The following LMBR1 variants were observed in gnomAD, a reference collection of about 807,000 sequenced individuals.
LMBR1 encodes the protein limb development membrane protein 1.
LMBR1 carries 52 observed loss-of-function variants against 73.9 expected under a neutral mutation model. That is an observed-to-expected ratio of 0.70 (90% CI 0.56 to 0.89). The LOEUF (loss-of-function observed/expected upper bound fraction) is 0.89. Ranked by LOEUF, LMBR1 falls within the 40% of genes least tolerant of loss-of-function variation. The pLI is 0.00. For missense variants in LMBR1, 539 were observed against 579.8 expected, an observed-to-expected ratio of 0.93 and a Z score of 0.72; for synonymous variants, 215 against 209.4, an observed-to-expected ratio of 1.03 and a Z score of -0.23.
At chr7:156,724,555 T>C (rs184703178) in intron 14 of LMBR1, among the ~76,000 whole-genome samples, 1 of 152,280 alleles carries the variant, frequency 6.6e-6, no homozygotes, top group East Asian at 1.9e-4. Flanking sequence ...AGATTATTGC[T>C]TAAGATCTCT....
rs1163938738 is a variant in LMBR1, at chr7:156,683,732, C to T, written c.*346G>A. ...GGATTTAAGTAAATCTTTAGAAGTC[C>T]CGGAGTTTGCCTTTTCTAACATTTT... On this transcript the variant is annotated 3_prime_UTR_variant, in exon 17 of 17. Coordinates refer to ENST00000353442, the MANE Select transcript of LMBR1 (RefSeq NM_022458.4). The T allele has an allele frequency of 2.1e-5, 4 of 187,742 alleles. No individual in the cohort carries two copies. The highest frequency in any genetic ancestry group is 4.4e-5 in the Non-Finnish European group (4 of 91,866). 11.6% of individuals were successfully genotyped at this position (187,742 alleles called of 1,614,324 possible). A position where few individuals can be genotyped will look rare whatever the true frequency, so the allele number is the denominator to read the frequency against.
At chr7:156,770,805 T>C (rs1825031699) in intron 5 of LMBR1, among the ~76,000 whole-genome samples, 1 of 152,066 alleles carries the variant, frequency 6.6e-6, no homozygotes, top group South Asian at 2.1e-4. Flanking sequence ...TCCCAGCTAC[T>C]TGGGAGGCTG....
At chr7:156,718,277 G>A (rs1813668200) in intron 15 of LMBR1, among the ~76,000 whole-genome samples, 1 of 151,828 alleles carries the variant, frequency 6.6e-6, no homozygotes, top group African/African-American at 2.4e-5. Flanking sequence ...GCAGGCGCCT[G>A]TAATCCCAGG....
At chr7:156,676,479 G>A (rs34819142), downstream of LMBR1, 1,051 of 1,614,002 alleles carry the variant, frequency 6.5e-4, 6 homozygotes, top group African/African-American at 5.8e-3. Flanking sequence ...CGCTGCTGGC[G>A]GTCAGCGCGT....
chr7:156,720,609 A>G (rs1203825644), intron 15 of LMBR1, among the ~76,000 whole-genome samples: 1 of 151,978 alleles, frequency 6.6e-6, no homozygotes, highest in Non-Finnish European at 1.5e-5. Flanking sequence ...ATATAAGAAC[A>G]TTAGTAATCA....
chr7:156,768,435 T>C lies in LMBR1; in HGVS notation c.424-4640A>G, dbSNP rs534136002. On this transcript the variant is annotated intron_variant, in intron 5 of 16. Coordinates refer to ENST00000353442, the MANE Select transcript of LMBR1 (RefSeq NM_022458.4). ...ATTATATTTAGCATGTTTATGCAAATTTGATAAGAAATTCATTTAGAATTT... is the reference window on the plus strand; with the variant it reads ...ATTATATTTAGCATGTTTATGCAAACTTGATAAGAAATTCATTTAGAATTT... 2.0e-4 allele frequency among the ~76,000 whole-genome samples: 30 copies of C among 152,194 alleles called. 1 individual carries two copies. Among genetic ancestry groups the C allele is most frequent in the Middle Eastern group, 3.4e-3 (1 of 294 alleles).
rs1804693556 is a variant in LMBR1, at chr7:156,679,787, C to T, written c.*4291G>A. The T allele has an allele frequency of 6.6e-6, 1 of 152,182 alleles. No individual in the cohort carries two copies. The highest frequency in any genetic ancestry group is 2.1e-4 in the South Asian group (1 of 4,820). The allele number at this position is 152,182 out of a possible 1,614,324, so 9.4% of individuals were successfully genotyped here. ...GCTGTTCATAATCCAGGCTCATAAA[C>T]TTGACTTCTGTACCACCTTTAGAAG... On this transcript the variant is annotated 3_prime_UTR_variant, in exon 17 of 17. Transcript: ENST00000353442.
intron 10 of LMBR1, 97 bp from the exon 11 acceptor site, chr7:156,728,817 A>C (rs1816286542): frequency 1.2e-6 from 1 of 854,278 alleles, no homozygotes; most frequent in Non-Finnish European, 1.8e-6. Flanking sequence ...TTTCTTTTTA[A>C]AAAACATAAA....
chr7:156,669,021 A>G lies in LMBR1; in HGVS notation n.1133T>C, dbSNP rs140924489. ...TGAATTGTTAATAAGTGTAAAAATG[A>G]TATTTGGTTACATAGGGTAAGTGGA... On this transcript the variant is annotated non_coding_transcript_exon_variant, in exon 5 of 5. Transcript: ENST00000430825. The surrounding 1 kb of genome is among the most constrained non-coding windows in gnomAD (Gnocchi z 4.2). The G allele has an allele frequency of 8.5e-5, 13 of 152,356 alleles. No individual in the cohort carries two copies. The highest frequency in any genetic ancestry group is 5.8e-4 in the East Asian group (3 of 5,186). The allele number at this position is 152,356 out of a possible 1,614,324, so 9.4% of individuals were successfully genotyped here. A position where few individuals can be genotyped will look rare whatever the true frequency, so the allele number is the denominator to read the frequency against.
intron 4 of LMBR1, among the ~76,000 whole-genome samples, chr7:156,807,135 T>C (rs980512282): frequency 2.6e-5 from 4 of 152,176 alleles, no homozygotes; most frequent in East Asian, 1.9e-4. Flanking sequence ...TTCGCTAAAA[T>C]TGTATTTAGA....
At chr7:156,892,608 A>C in intron 1 of LMBR1, 121 of 205,298 alleles carry the variant, frequency 5.9e-4, no homozygotes, top group Middle Eastern at 1.7e-3. Flanking sequence ...CCCCGCGGGA[A>C]GGGAAGGGCA....
chr7:156,862,908 T>C (rs1211604946), intron 1 of LMBR1, among the ~76,000 whole-genome samples: 1 of 152,194 alleles, frequency 6.6e-6, no homozygotes, highest in Non-Finnish European at 1.5e-5. Context: ...GGACTAGGAA[T>C]GAAACTACAC....
At chr7:156,807,994 T>A (rs751686428) in intron 4 of LMBR1, among the ~76,000 whole-genome samples, 2 of 152,150 alleles carry the variant, frequency 1.3e-5, no homozygotes, top group Non-Finnish European at 2.9e-5. Context: ...CTTGTATGAC[T>A]TAAAATCCTA....
intron 4 of LMBR1, among the ~76,000 whole-genome samples, chr7:156,825,935 C>T (rs1270600338): frequency 6.6e-6 from 1 of 152,162 alleles, no homozygotes; most frequent in African/African-American, 2.4e-5. Context: ...TTTGAAATGA[C>T]TAAAGAAACT....
intron 3 of LMBR1, among the ~76,000 whole-genome samples, chr7:156,830,325 A>T (rs1836452345): frequency 6.6e-6 from 1 of 152,204 alleles, no homozygotes; most frequent in Admixed American, 6.5e-5. Flanking sequence ...AATATATTTC[A>T]TGGGTTAGTA....
chr7:156,869,316 G>GA (rs199732263), intron 1 of LMBR1, among the ~76,000 whole-genome samples: 2,788 of 150,106 alleles, frequency 0.019, 135 homozygotes, highest in Admixed American at 0.11. Context: ...ACGTGAAGAA[G>GA]AAAAAAAAAG....
intron 15 of LMBR1, among the ~76,000 whole-genome samples, chr7:156,722,899 T>C (rs1814904856): frequency 6.6e-6 from 1 of 152,122 alleles, no homozygotes. Context: ...GTACAGTGAA[T>C]GAGTTTCCTA....
At position 156,751,951 on chromosome 7, in the gene LMBR1, G is replaced by A. The variant is rs571694710; in HGVS notation, c.757+4442C>T. Among the ~76,000 whole-genome samples the A allele has an allele frequency of 1.3e-4, 20 of 152,310 alleles. No individual in the cohort carries two copies. The South Asian group carries it at 4.1e-3, about 32-fold the overall frequency. On this transcript the variant is annotated intron_variant, in intron 9 of 16. Coordinates refer to ENST00000353442, the MANE Select transcript of LMBR1 (RefSeq NM_022458.4). ...TCGCAGCTTATAGGTGGTATTTAAA[G>A]CCATGAAACCAGATGAACTAATAAG...
intron 4 of LMBR1, among the ~76,000 whole-genome samples, chr7:156,820,200 G>A (rs1441739010): frequency 6.6e-6 from 1 of 152,076 alleles, no homozygotes. Flanking sequence ...TTCATTGCCT[G>A]AACAAATTAA....
Sources: allele counts gnomAD v4.1 joint callset (sites outside exome capture counted in the v4.1 genomes callset), GRCh38; gene constraint gnomAD v4.1.1; non-coding constraint Gnocchi (gnomAD v3.1); transcripts MANE v1.5; gene names NCBI Gene and HGNC (gene_info 2026-07-23, HGNC 2026-07-21).